FAM117B: variants seen among roughly 807,000 people sequenced by gnomAD.
FAM117B encodes the protein family with sequence similarity 117 member B, also known as protein FAM117B.
A neutral mutation model predicts 52.8 loss-of-function variants in FAM117B; 22 were observed. The ratio of observed to expected loss-of-function variants is 0.42; its 90% confidence interval spans 0.30 to 0.59. The LOEUF (loss-of-function observed/expected upper bound fraction) is 0.59, where lower values mean the gene tolerates loss of function less well. Ranked by LOEUF, FAM117B falls within the 20% of genes least tolerant of loss-of-function variation. FAM117B has a pLI of 0.22. For missense variants in FAM117B, 678 were observed against 802.6 expected (o/e 0.84, Z 1.88); for synonymous variants, 309 against 324.1 (o/e 0.95, Z 0.50).
chr2:202,679,668 A>G (rs917591243), intron 1 of FAM117B, among the ~76,000 whole-genome samples: 2 of 152,202 alleles, frequency 1.3e-5, no homozygotes, highest in African/African-American at 4.8e-5. Context: ...AGTAAAGGCT[A>G]CTCCCAATCT....
At position 202,766,102 on chromosome 2, in the gene FAM117B, A is replaced by ACCCACACC; in HGVS notation, c.*339_*340insCCACACCC. ...CACACACACACACACACACACACAC[A>ACCCACACC]CACACCCCTGATCCTTGCCAACATG... On this transcript the variant is annotated 3_prime_UTR_variant, in exon 8 of 8. Transcript: ENST00000392238. 2 of 191,098 alleles carry ACCCACACC rather than the reference A, an allele frequency of 1.0e-5. 1 individual carries two copies. The highest frequency in any genetic ancestry group is 2.1e-5 in the Non-Finnish European group (2 of 93,408). The allele number at this position is 191,098 out of a possible 1,614,324, so 11.8% of individuals were successfully genotyped here. A position where few individuals can be genotyped will look rare whatever the true frequency, so the allele number is the denominator to read the frequency against.
At chr2:202,678,582 G>A (rs1244043116) in intron 1 of FAM117B, among the ~76,000 whole-genome samples, 7 of 152,148 alleles carry the variant, frequency 4.6e-5, no homozygotes, top group East Asian at 3.9e-4. Context: ...ATTTTGAGAC[G>A]GAGTTTCACT....
intron 1 of FAM117B, among the ~76,000 whole-genome samples, chr2:202,691,052 A>C (rs1690613889): frequency 6.6e-6 from 1 of 152,144 alleles, no homozygotes; most frequent in Non-Finnish European, 1.5e-5. Flanking sequence ...AAAGGAAGGG[A>C]GTTCCAAAGA....
intron 2 of FAM117B, among the ~76,000 whole-genome samples, chr2:202,697,733 A>G (rs1234940478): frequency 6.6e-6 from 1 of 152,026 alleles, no homozygotes; most frequent in East Asian, 1.9e-4. Context: ...TACTTTTAGT[A>G]GAGACGGGGT....
chr2:202,749,346 T>G (rs1370794640), intron 4 of FAM117B, among the ~76,000 whole-genome samples: 1 of 152,116 alleles, frequency 6.6e-6, no homozygotes, highest in Non-Finnish European at 1.5e-5. Context: ...CATTGATTTC[T>G]TAAGTAATGC....
intron 1 of FAM117B, among the ~76,000 whole-genome samples, chr2:202,638,881 A>G (rs1689725011): frequency 6.6e-6 from 1 of 152,212 alleles, no homozygotes; most frequent in Non-Finnish European, 1.5e-5. Context: ...TGAATGTCTC[A>G]TAGTTTCATT....
chr2:202,654,345 A>G (rs781310114), intron 1 of FAM117B, among the ~76,000 whole-genome samples: 14 of 149,188 alleles, frequency 9.4e-5, no homozygotes, highest in Admixed American at 4.7e-4. Flanking sequence ...TTTGTTCTCT[A>G]TCTGTTTGGA....
chr2:202,763,860 T>C (rs977768195), intron 7 of FAM117B, among the ~76,000 whole-genome samples: 2 of 152,246 alleles, frequency 1.3e-5, no homozygotes, highest in Non-Finnish European at 2.9e-5. Context: ...CCCCATCCGC[T>C]GTTTACTCAT....
chr2:202,653,116 A>G (rs1689980842), intron 1 of FAM117B, among the ~76,000 whole-genome samples: 1 of 152,090 alleles, frequency 6.6e-6, no homozygotes, highest in Admixed American at 6.5e-5. Context: ...AAAAATTGAA[A>G]AATTAGCTAG....
intron 2 of FAM117B, among the ~76,000 whole-genome samples, chr2:202,704,249 TA>T (rs1368803410): frequency 1.3e-5 from 2 of 152,250 alleles, no homozygotes; most frequent in African/African-American, 4.8e-5. Context: ...TGGCACCTAG[TA>T]AGCATTCAAT....
At chr2:202,647,779 G>C (rs1377250715) in intron 1 of FAM117B, among the ~76,000 whole-genome samples, 2 of 152,120 alleles carry the variant, frequency 1.3e-5, no homozygotes, top group Non-Finnish European at 2.9e-5. Context: ...CTTTTCCCGT[G>C]TATTGTTCTA....
chr2:202,742,698 A>T (rs1691565692), intron 4 of FAM117B, among the ~76,000 whole-genome samples: 1 of 152,252 alleles, frequency 6.6e-6, no homozygotes, highest in African/African-American at 2.4e-5. Flanking sequence ...GTATGGCAGA[A>T]AACATTATAA....
intron 1 of FAM117B, among the ~76,000 whole-genome samples, chr2:202,654,062 T>TGAGTGA (rs780028124): frequency 3.7e-5 from 5 of 134,864 alleles, no homozygotes; most frequent in South Asian, 2.5e-4. Context: ...AGAGAGTGAG[T>TGAGTGA]GAGAGAGAGA....
intron 1 of FAM117B, among the ~76,000 whole-genome samples, chr2:202,665,239 G>T (rs536506188): frequency 5.3e-5 from 8 of 151,636 alleles, no homozygotes; most frequent in African/African-American, 1.9e-4. Flanking sequence ...GAGTGCAGTG[G>T]TGTGATCTAA....
chr2:202,683,261 G>A (rs919012926), intron 1 of FAM117B, among the ~76,000 whole-genome samples: 9 of 151,192 alleles, frequency 6.0e-5, no homozygotes, highest in African/African-American at 1.7e-4. Context: ...CCTGGGAGGC[G>A]GAGGGTACAG....
rs187730173 is a variant in FAM117B, at chr2:202,682,180, C to T, written c.602-13701C>T. On this transcript the variant is annotated intron_variant, in intron 1 of 7. Transcript: ENST00000392238. Reference sequence around the variant, plus strand: ...ATAAAATCTCCCGCATTTATCATTTCCTGTTTGTTCGTGTGACCTCATTCC... The same window carrying T: ...ATAAAATCTCCCGCATTTATCATTTTCTGTTTGTTCGTGTGACCTCATTCC... Among the ~76,000 whole-genome samples, 1,073 of 152,288 alleles carry T rather than the reference C, an allele frequency of 7.0e-3. 6 individuals carry two copies. Among genetic ancestry groups the T allele is most frequent in the Middle Eastern group, 0.027 (8 of 294 alleles).
intron 4 of FAM117B, among the ~76,000 whole-genome samples, chr2:202,738,564 C>A (rs1430348137): frequency 2.0e-5 from 3 of 152,102 alleles, no homozygotes; most frequent in Non-Finnish European, 4.4e-5. Context: ...TAGGAAACTA[C>A]TTTTAGAAGA....
intron 1 of FAM117B, among the ~76,000 whole-genome samples, chr2:202,694,884 CATT>C (rs1199179781): frequency 6.6e-6 from 1 of 152,180 alleles, no homozygotes; most frequent in Admixed American, 6.5e-5. Flanking sequence ...TTTTAGATGT[CATT>C]ATCAAATAAC....
At chr2:202,685,589 C>T (rs978364422) in intron 1 of FAM117B, among the ~76,000 whole-genome samples, 5 of 152,108 alleles carry the variant, frequency 3.3e-5, no homozygotes, top group African/African-American at 9.7e-5. Context: ...ACTTACATTG[C>T]GTTTGGACAG....
Sources: gnomAD v4.1 joint callset for allele counts (sites outside exome capture counted in the v4.1 genomes callset) on GRCh38, gnomAD v4.1.1 for gene constraint, MANE v1.5 for transcripts, NCBI Gene and HGNC (gene_info 2026-07-23, HGNC 2026-07-21) for gene names.